MTA3: variants seen among roughly 807,000 people sequenced by gnomAD.
MTA3 encodes the protein metastasis-associated protein MTA3.
A neutral mutation model predicts 83.5 loss-of-function variants in MTA3; 34 were observed. The observed-to-expected ratio is 0.41, with a 90% CI of 0.31 to 0.54. MTA3 has a LOEUF of 0.54. Ranked by LOEUF, MTA3 falls within the 20% of genes least tolerant of loss-of-function variation. MTA3 has a pLI of 0.33. For synonymous variants in MTA3, 303 were observed against 252.7 expected (o/e 1.20, Z -1.89); for missense variants, 761 against 726.4 (o/e 1.05, Z -0.55).
intron 16 of MTA3, among the ~76,000 whole-genome samples, chr2:42,747,593 G>A (rs577764308): frequency 2.2e-4 from 33 of 151,370 alleles, no homozygotes; most frequent in Middle Eastern, 3.4e-3. Flanking sequence ...TATAACAAGC[G>A]CAATGGAAGT....
intron 5 of MTA3, among the ~76,000 whole-genome samples, chr2:42,642,061 A>T (rs994409843): frequency 6.6e-6 from 1 of 152,204 alleles, no homozygotes; most frequent in African/African-American, 2.4e-5. Context: ...ATTGGCATAA[A>T]GACGGTAACC....
chr2:42,549,555 T>TTATATACATATACATATATAATATATAA (rs1572965302), intron 2 of MTA3, among the ~76,000 whole-genome samples: 1 of 113,458 alleles, frequency 8.8e-6, no homozygotes, highest in East Asian at 2.2e-4. Flanking sequence ...ATAATATATA[T>TTATATACATATACATATATAATATATAA]TATATACATA....
intron 16 of MTA3, among the ~76,000 whole-genome samples, chr2:42,738,863 C>T (rs564832404): frequency 6.6e-6 from 1 of 152,314 alleles, no homozygotes; most frequent in African/African-American, 2.4e-5. Flanking sequence ...TCCCATAGCG[C>T]TCCAAGGCTT....
intron 4 of MTA3, among the ~76,000 whole-genome samples, chr2:42,625,618 G>T (rs1371832420): frequency 6.7e-6 from 1 of 150,100 alleles, no homozygotes; most frequent in Non-Finnish European, 1.5e-5. Context: ...GTGGTGGCAG[G>T]CGCCTGTAGT....
intron 16 of MTA3, among the ~76,000 whole-genome samples, chr2:42,739,910 A>T (rs1668898346): frequency 6.6e-6 from 1 of 152,354 alleles, no homozygotes; most frequent in South Asian, 2.1e-4. Context: ...ATTTAGCCAC[A>T]TCTTCAGGTT....
chr2:42,502,853 T>C (rs1283860587), intron 2 of MTA3, among the ~76,000 whole-genome samples: 10 of 146,310 alleles, frequency 6.8e-5, no homozygotes, highest in African/African-American at 2.3e-4. Context: ...ATCCCAGCTA[T>C]TCAGGAGGCT....
intron 3 of MTA3, among the ~76,000 whole-genome samples, chr2:42,592,921 T>TG (rs528690421): frequency 6.6e-4 from 99 of 150,996 alleles, no homozygotes; most frequent in African/African-American, 2.2e-3. Context: ...GAGGCTGAGG[T>TG]GGGGGGATCA....
chr2:42,595,329 C>G (rs1681665045), intron 3 of MTA3, among the ~76,000 whole-genome samples: 1 of 151,380 alleles, frequency 6.6e-6, no homozygotes, highest in Non-Finnish European at 1.5e-5. Flanking sequence ...CCAGGATGGT[C>G]TCAATCTCCT....
intron 2 of MTA3, among the ~76,000 whole-genome samples, chr2:42,559,800 C>G (rs1443956118): frequency 1.6e-5 from 2 of 121,998 alleles, no homozygotes; most frequent in African/African-American, 3.3e-5. Context: ...CACTTGAACC[C>G]GGGGCGGGGG....
chr2:42,664,941 C>T (rs1283216093), intron 8 of MTA3, among the ~76,000 whole-genome samples: 1 of 152,136 alleles, frequency 6.6e-6, no homozygotes, highest in Non-Finnish European at 1.5e-5. Flanking sequence ...GTTCTCACAT[C>T]CTCATTTTGA....
chr2:42,517,164 G>T (rs1675183746), intron 2 of MTA3, among the ~76,000 whole-genome samples: 1 of 152,162 alleles, frequency 6.6e-6, no homozygotes, highest in South Asian at 2.1e-4. Flanking sequence ...GGAGGCTAAG[G>T]CAGGAGAATC....
At chr2:42,574,469 G>T (rs749971221) in intron 2 of MTA3, among the ~76,000 whole-genome samples, 1 of 151,038 alleles carries the variant, frequency 6.6e-6, no homozygotes, top group Admixed American at 6.6e-5. Context: ...GCCTATGTTA[G>T]TTGTCACCCA....
chr2:42,586,081 C>A (rs188406963), intron 3 of MTA3, among the ~76,000 whole-genome samples: 1 of 150,782 alleles, frequency 6.6e-6, no homozygotes, highest in Non-Finnish European at 1.5e-5. Flanking sequence ...GTCAGGAGTT[C>A]GGCCTGACCA....
At chr2:42,732,930 C>G (rs1668334791) in intron 16 of MTA3, among the ~76,000 whole-genome samples, 1 of 152,222 alleles carries the variant, frequency 6.6e-6, no homozygotes, top group Non-Finnish European at 1.5e-5. Flanking sequence ...CCACCTCAGC[C>G]TGGACCTTTT....
At position 42,625,447 on chromosome 2, in the gene MTA3, T is replaced by C. The variant is rs1207178749; in HGVS notation, c.318-14726T>C. Among the ~76,000 whole-genome samples, 3 of 151,578 alleles carry C rather than the reference T, an allele frequency of 2.0e-5. 1 individual carries two copies. Among genetic ancestry groups the C allele is most frequent in the Non-Finnish European group, 4.4e-5 (3 of 67,992 alleles). Reference sequence around the variant, plus strand: ...GATATTTTAATTTTGCCAATCATGTTTTAAAATTTGTTTTATGGGCCGGGC... The same window carrying C: ...GATATTTTAATTTTGCCAATCATGTCTTAAAATTTGTTTTATGGGCCGGGC... On this transcript the variant is annotated intron_variant, in intron 4 of 16. Coordinates refer to ENST00000405094, the MANE Select transcript of MTA3 (RefSeq NM_001330442.2).
rs375092100 is a variant in MTA3, at chr2:42,557,993, A to G, written c.-140-12444A>G. ...CCTGAAGAATCAAGAACCACCAAGG[A>G]AAGATGGCAGGGGAGTTGGTATTCA... On this transcript the variant is annotated intron_variant, in intron 2 of 17. Coordinates refer to the MTA3 transcript ENST00000405592. Among the ~76,000 whole-genome samples the G allele has an allele frequency of 3.9e-5, 6 of 152,166 alleles. No individual in the cohort carries two copies. In the East Asian group the frequency reaches 9.6e-4, roughly 24 times the overall value.
At chr2:42,599,979 G>A (rs906758684) in intron 3 of MTA3, among the ~76,000 whole-genome samples, 9 of 151,626 alleles carry the variant, frequency 5.9e-5, no homozygotes, top group African/African-American at 1.4e-4. Flanking sequence ...GGCGGATCAC[G>A]AGGTCAGGAG....
At chr2:42,564,179 G>A (rs1019857029), upstream of MTA3, among the ~76,000 whole-genome samples, 11 of 152,254 alleles carry the variant, frequency 7.2e-5, no homozygotes, top group African/African-American at 4.8e-5. Context: ...GGTCAGTTAG[G>A]TTAACCACCC....
At chr2:42,612,976 A>G (rs1361346355) in intron 4 of MTA3, among the ~76,000 whole-genome samples, 1 of 152,238 alleles carries the variant, frequency 6.6e-6, no homozygotes, top group Non-Finnish European at 1.5e-5. Flanking sequence ...AGACACAAGT[A>G]TATTTTTAAT....
Sources: allele counts gnomAD v4.1 joint callset (sites outside exome capture counted in the v4.1 genomes callset), GRCh38; gene constraint gnomAD v4.1.1; transcripts MANE v1.5; gene names NCBI Gene and HGNC (gene_info 2026-07-23, HGNC 2026-07-21).